Variants in HSD17B12 observed in about 807,000 individuals in gnomAD.
HSD17B12 encodes hydroxysteroid 17-beta dehydrogenase 12.
Under a neutral mutation model 39.3 loss-of-function variants are expected in HSD17B12, and 32 were observed. The observed-to-expected ratio is 0.81, with a 90% CI of 0.61 to 1.09. The LOEUF is 1.09. Among genes scored for constraint, HSD17B12 ranks in the 50% least tolerant of loss-of-function variants. The pLI is 0.00. For missense variants in HSD17B12, 342 were observed against 382.9 expected (o/e 0.89, Z 0.89); for synonymous variants, 150 against 146.7 (o/e 1.02, Z -0.16).
At chr11:43,620,526 T>C in the HSD17B12 span, among the ~76,000 whole-genome samples, 1 of 152,170 alleles carries the variant, frequency 6.6e-6, no homozygotes, top group Non-Finnish European at 1.5e-5. Context: ...TATAATGAAA[T>C]CACTTGAGAA....
the HSD17B12 span, among the ~76,000 whole-genome samples, chr11:43,652,019 T>C: frequency 1.3e-5 from 2 of 152,218 alleles, no homozygotes; most frequent in Admixed American, 1.3e-4. Context: ...GATACCATGT[T>C]CGTGGATTGG....
chr11:43,690,385 TATATATATATA>T lies in HSD17B12; in HGVS notation c.160+9399_160+9409del, dbSNP rs1949846408. Among the ~76,000 whole-genome samples the T allele has an allele frequency of 7.3e-4, 11 of 15,110 alleles. 1 individual carries two copies. The highest frequency in any genetic ancestry group is 2.6e-3 in the South Asian group (1 of 390). The allele number at this position is 15,110 out of a possible 152,430, so 9.9% of individuals were successfully genotyped here. On this transcript the variant is annotated intron_variant, in intron 1 of 10. Transcript: ENST00000278353. ...ACATATATATATATATATATATATA[TATATATATATA>T]TATATATATTTTTTTTTTTTTTTTT...
the HSD17B12 span, among the ~76,000 whole-genome samples, chr11:43,611,707 T>C: frequency 2.0e-5 from 3 of 152,196 alleles, no homozygotes; most frequent in Non-Finnish European, 4.4e-5. Context: ...GTTGTCAAGA[T>C]GCCTCTAAAG....
chr11:43,768,612 A>G (rs1287119193), intron 3 of HSD17B12, among the ~76,000 whole-genome samples: 2 of 152,210 alleles, frequency 1.3e-5, no homozygotes, highest in African/African-American at 4.8e-5. Flanking sequence ...TGGTGGGTTC[A>G]TGGTCTTGCT....
intron 3 of HSD17B12, among the ~76,000 whole-genome samples, chr11:43,778,310 C>A (rs902022421): frequency 8.5e-5 from 13 of 152,268 alleles, no homozygotes; most frequent in African/African-American, 2.9e-4. Flanking sequence ...CTGAACAGAC[C>A]AATAACAGGA....
intron 3 of HSD17B12, among the ~76,000 whole-genome samples, chr11:43,786,724 T>C (rs35521277): frequency 0.18 from 26,702 of 152,234 alleles, 3,235 homozygotes; most frequent in Admixed American, 0.34. Flanking sequence ...TGAAAACTGA[T>C]ATTTGTGAGA....
Position 43,685,989 on chromosome 11 carries a change from G to A in HSD17B12, c.160+5002G>A, listed in dbSNP as rs140609322. ...CAGATTTGCAACCATAAATCTTGTC[G>A]TATGAGAAAATACTGGAAAGTTACT... On this transcript the variant is annotated intron_variant, in intron 1 of 10. Transcript: ENST00000278353. Among the ~76,000 whole-genome samples the A allele has an allele frequency of 1.6e-3, 249 of 152,274 alleles. 1 individual carries two copies. Among genetic ancestry groups the A allele is most frequent in the African/African-American group, 5.7e-3 (237 of 41,560 alleles).
intron 3 of HSD17B12, among the ~76,000 whole-genome samples, chr11:43,788,018 C>T (rs960678471): frequency 1.3e-5 from 2 of 152,040 alleles, no homozygotes; most frequent in Non-Finnish European, 2.9e-5. Context: ...AAAAAATTAG[C>T]TCAATCAGCA....
chr11:43,699,938 A>G (rs1182976264), intron 1 of HSD17B12, among the ~76,000 whole-genome samples: 1 of 152,236 alleles, frequency 6.6e-6, no homozygotes. Context: ...TTACCCAGTT[A>G]TGGCTTATAT....
the HSD17B12 span, among the ~76,000 whole-genome samples, chr11:43,615,227 C>T: frequency 2.6e-5 from 4 of 152,126 alleles, no homozygotes; most frequent in Admixed American, 1.3e-4. Context: ...ATAAGATCTG[C>T]CTTTTGTGGA....
At chr11:43,854,956 A>G in intron 10 of HSD17B12, 92 bp downstream of exon 10, 1 of 1,304,670 alleles carries the variant, frequency 7.7e-7, no homozygotes, top group South Asian at 1.4e-5. Context: ...AGATTAGCAC[A>G]TATACATTGT....
chr11:43,784,157 G>A (rs1005260649), intron 3 of HSD17B12, among the ~76,000 whole-genome samples: 5 of 152,210 alleles, frequency 3.3e-5, no homozygotes, highest in Admixed American at 6.5e-5. Context: ...GGGTCCACAT[G>A]AAAGAGTCAT....
intron 1 of HSD17B12, among the ~76,000 whole-genome samples, chr11:43,683,786 T>A (rs753458766): frequency 6.6e-6 from 1 of 152,218 alleles, no homozygotes; most frequent in Non-Finnish European, 1.5e-5. Context: ...AAGTATTTTA[T>A]TAGTATATGT....
rs377358501 is a variant in HSD17B12 at position 43,735,089 on chromosome 11, A to G, written c.161-15822A>G. Among the ~76,000 whole-genome samples, 3 of 152,360 alleles carry G rather than the reference A, an allele frequency of 2.0e-5. No homozygotes were observed. In the East Asian group the frequency reaches 5.8e-4, roughly 29 times the overall value. On this transcript the variant is annotated intron_variant, in intron 1 of 10. Transcript: ENST00000278353. ...ATATAAGGTTCATCCACATTGTAGC[A>G]TGTATCAGTACTTAATCCCTTTTTG...
intron 10 of HSD17B12, 24 bp from the exon 11 acceptor site, chr11:43,855,120 A>G: frequency 7.0e-7 from 1 of 1,432,708 alleles, no homozygotes; most frequent in Non-Finnish European, 9.7e-7. Context: ...ATAATTACAT[A>G]TCTCTCTCAT....
intron 1 of HSD17B12, among the ~76,000 whole-genome samples, chr11:43,691,637 C>A (rs182227245): frequency 6.6e-6 from 1 of 152,316 alleles, no homozygotes; most frequent in East Asian, 1.9e-4. Flanking sequence ...AATCAAGTTA[C>A]CCCTTCCTTA....
intron 3 of HSD17B12, among the ~76,000 whole-genome samples, chr11:43,760,502 C>T (rs1035886782): frequency 2.6e-5 from 4 of 152,148 alleles, no homozygotes; most frequent in Non-Finnish European, 4.4e-5. Flanking sequence ...CCTGTAACTC[C>T]ATGGCTTTAT....
upstream of HSD17B12, chr11:43,680,709 A>C: frequency 1.1e-6 from 1 of 874,540 alleles, no homozygotes; most frequent in East Asian, 2.7e-5. Context: ...GTTTAGGCCC[A>C]AAGTGGTGTC....
At position 43,690,379 on chromosome 11, in the gene HSD17B12, TATATA is replaced by T. The variant is rs1565049587; in HGVS notation, c.160+9393_160+9397del. Among the ~76,000 whole-genome samples, 69 of 12,846 alleles carry T rather than the reference TATATA, an allele frequency of 5.4e-3. 8 individuals are homozygous for T. The highest frequency in any genetic ancestry group is 0.011 in the South Asian group (5 of 468). The allele number at this position is 12,846 out of a possible 152,430, so 8.4% of individuals were successfully genotyped here. A position where few individuals can be genotyped will look rare whatever the true frequency, so the allele number is the denominator to read the frequency against. ...ATTCATACATATATATATATATATA[TATATA>T]TATATATATATATATATATATTTTT... On this transcript the variant is annotated intron_variant, in intron 1 of 10. Coordinates refer to ENST00000278353, the MANE Select transcript of HSD17B12 (RefSeq NM_016142.3).
Sources: gnomAD v4.1 joint callset for allele counts (sites outside exome capture counted in the v4.1 genomes callset) on GRCh38, gnomAD v4.1.1 for gene constraint, MANE v1.5 for transcripts, NCBI Gene and HGNC (gene_info 2026-07-23, HGNC 2026-07-21) for gene names.